RBM47: variants seen among roughly 807,000 people sequenced by gnomAD.
RBM47 encodes the protein RNA binding motif protein 47.
A neutral mutation model predicts 47.1 loss-of-function variants in RBM47; 21 were observed. The ratio of observed to expected loss-of-function variants is 0.45; its 90% CI spans 0.32 to 0.64. The LOEUF is 0.64. RBM47 is among the 30% of genes least tolerant of loss of function. RBM47 has a pLI of 0.05. For missense variants in RBM47, 708 were observed against 870.9 expected (o/e 0.81, Z 2.35); for synonymous variants, 375 against 361.7 (o/e 1.04, Z -0.42).
intron 1 of RBM47, among the ~76,000 whole-genome samples, chr4:40,588,107 C>A (rs1325677071): frequency 6.6e-6 from 1 of 152,186 alleles, no homozygotes; most frequent in East Asian, 1.9e-4. Flanking sequence ...TACTGGGGTG[C>A]AGCCAAAGAC....
intron 3 of RBM47, among the ~76,000 whole-genome samples, chr4:40,444,535 G>A (rs775177816): frequency 2.6e-5 from 4 of 152,214 alleles, no homozygotes; most frequent in Admixed American, 6.5e-5. Context: ...TTTACTCTCC[G>A]GCTCTGTTGA....
intron 3 of RBM47, among the ~76,000 whole-genome samples, chr4:40,444,861 C>T (rs1459256398): frequency 6.6e-6 from 1 of 150,536 alleles, no homozygotes; most frequent in Non-Finnish European, 1.5e-5. Context: ...GATGGGGTTT[C>T]ACCATGTTTG....
chr4:40,521,217 G>C (rs181348221), intron 2 of RBM47, among the ~76,000 whole-genome samples: 2 of 151,350 alleles, frequency 1.3e-5, no homozygotes, highest in Admixed American at 6.6e-5. Context: ...TGTTGCTGTT[G>C]TTTGAGACAG....
intron 3 of RBM47, among the ~76,000 whole-genome samples, chr4:40,445,492 C>T (rs1714408722): frequency 6.6e-6 from 1 of 152,172 alleles, no homozygotes; most frequent in African/African-American, 2.4e-5. Flanking sequence ...TTCATTCATT[C>T]AGCAAATAGT....
At chr4:40,579,204 C>T (rs1337637411) in intron 1 of RBM47, among the ~76,000 whole-genome samples, 3 of 151,240 alleles carry the variant, frequency 2.0e-5, no homozygotes, top group Non-Finnish European at 4.4e-5. Context: ...TGGCGGATCA[C>T]GAGGTCAGGA....
intron 1 of RBM47, among the ~76,000 whole-genome samples, chr4:40,627,974 C>A (rs1413306808): frequency 1.3e-5 from 2 of 152,184 alleles, no homozygotes; most frequent in East Asian, 1.9e-4. Context: ...GATAATAAAT[C>A]TTTAATAATT....
rs190402259 is a variant in RBM47, at chr4:40,436,692, G to A, written c.1124-45C>T. On this transcript the variant is annotated intron_variant, in intron 4 of 6. Coordinates refer to ENST00000295971, the MANE Select transcript of RBM47 (RefSeq NM_001098634.2). ...AGATGATCAGCAACCAACAGTGACG[G>A]TGCTGGAGGCAGACCTCAGCCCTCG... is the stretch of plus-strand genomic sequence containing the variant. 6.2e-3 allele frequency: 9,867 copies of A among 1,582,528 alleles called. 72 individuals carry two copies. The highest frequency in any genetic ancestry group is 6.1e-3 in the Non-Finnish European group (7,099 of 1,154,684).
chr4:40,561,058 A>G (rs1180296530), intron 1 of RBM47, among the ~76,000 whole-genome samples: 1 of 151,894 alleles, frequency 6.6e-6, no homozygotes, highest in African/African-American at 2.4e-5. Context: ...GCATTAAAGG[A>G]GACTATGTGT....
At chr4:40,467,086 T>G (rs1303816561) in intron 2 of RBM47, among the ~76,000 whole-genome samples, 1 of 152,182 alleles carries the variant, frequency 6.6e-6, no homozygotes. Context: ...GGTAGTATCC[T>G]TTACAGAAAT....
At chr4:40,437,711 C>T in intron 4 of RBM47, 60 bp downstream of exon 4, 2 of 1,471,286 alleles carry the variant, frequency 1.4e-6, no homozygotes, top group Non-Finnish European at 1.9e-6. Flanking sequence ...ATCCCTGGTG[C>T]CCCCTGCCTA....
chr4:40,592,510 C>T (rs994890776), intron 1 of RBM47, among the ~76,000 whole-genome samples: 13 of 151,470 alleles, frequency 8.6e-5, no homozygotes, highest in South Asian at 2.1e-4. Flanking sequence ...CCGCAACCTC[C>T]GCCTCCTGGG....
chr4:40,432,748 A>G lies in RBM47; in HGVS notation c.1445T>C (p.Val482Ala), dbSNP rs767171365. 12 of 1,612,820 alleles carry G rather than the reference A, an allele frequency of 7.4e-6. No individual in the cohort carries two copies. Among genetic ancestry groups the G allele is most frequent in the Non-Finnish European group, 1.0e-5 (12 of 1,179,772 alleles). Residue 482 changes from valine (V) to alanine (A), a missense_variant, in exon 6 of 7, where the codon GTG (valine) becomes GCG (alanine). Coordinates refer to ENST00000295971, the MANE Select transcript of RBM47 (RefSeq NM_001098634.2). ...TVEHMISPIA[V>A]QPDPASAAAA... is the part of the protein sequence containing the mutation. ...AGCAGCACTGGCTGGGTCTGGCTGCACAGCAATGGGGCTGATCATGTGCTC... is the reference window on the plus strand; with the variant it reads ...AGCAGCACTGGCTGGGTCTGGCTGCGCAGCAATGGGGCTGATCATGTGCTC...
At chr4:40,432,382 T>C (rs577727776) in intron 6 of RBM47, among the ~76,000 whole-genome samples, 25 of 152,276 alleles carry the variant, frequency 1.6e-4, no homozygotes, top group African/African-American at 5.1e-4. Flanking sequence ...TAAAAAAATA[T>C]ATGCACAATA....
chr4:40,549,815 G>A (rs981485472), intron 1 of RBM47, among the ~76,000 whole-genome samples: 2 of 152,042 alleles, frequency 1.3e-5, no homozygotes, highest in Admixed American at 1.3e-4. Flanking sequence ...CAAGCAGCTG[G>A]TATTACAGGC....
chr4:40,581,442 A>AAAT (rs1732923974), intron 1 of RBM47, among the ~76,000 whole-genome samples: 1 of 141,040 alleles, frequency 7.1e-6, no homozygotes, highest in Non-Finnish European at 1.5e-5. Flanking sequence ...AATAATAAAT[A>AAAT]AATAAATAAA....
intron 1 of RBM47, among the ~76,000 whole-genome samples, chr4:40,555,442 G>T (rs946105705): frequency 5.9e-5 from 9 of 152,218 alleles, no homozygotes; most frequent in Non-Finnish European, 1.5e-5. Flanking sequence ...CATTCGCTCT[G>T]CTGAAGAAAT....
chr4:40,549,118 G>A (rs1365019890), intron 1 of RBM47, among the ~76,000 whole-genome samples: 10 of 150,814 alleles, frequency 6.6e-5, no homozygotes, highest in African/African-American at 1.5e-4. Context: ...TTGGGGGGGG[G>A]GACACAGAGC....
chr4:40,507,760 T>C (rs278936), intron 2 of RBM47, among the ~76,000 whole-genome samples: 60,519 of 151,520 alleles, frequency 0.4, 12,801 homozygotes, highest in East Asian at 0.61. Flanking sequence ...CATTCCAGCC[T>C]GGGCGACAGA....
rs757226162 is a variant in RBM47 at position 40,436,545 on chromosome 4, C to A, written c.1226G>T (p.Ser409Ile). 2 of 1,614,180 alleles carry A rather than the reference C, an allele frequency of 1.2e-6. No homozygotes were observed. The highest frequency in any genetic ancestry group is 1.1e-5 in the South Asian group (1 of 91,080). Residue 409 changes from serine (S) to isoleucine (I), a missense_variant, in exon 5 of 7, where the codon AGC becomes ATC. Transcript: ENST00000295971. ...GGYSAGRGIY[S>I]RYHEGKGKQQ... ...CTTTCCTTTCCCTTCATGATATCGGCTATATATACCACGACCAGCAGAATA... is the reference window on the plus strand; with the variant it reads ...CTTTCCTTTCCCTTCATGATATCGGATATATATACCACGACCAGCAGAATA...
Sources: gnomAD v4.1 joint callset for allele counts (sites outside exome capture counted in the v4.1 genomes callset) on GRCh38, gnomAD v4.1.1 for gene constraint, MANE v1.5 for transcripts, NCBI Gene and HGNC (gene_info 2026-07-23, HGNC 2026-07-21) for gene names.